The following THRAP3 variants were observed in gnomAD, a reference collection of about 807,000 sequenced individuals.
The protein encoded by THRAP3 is thyroid hormone receptor associated protein 3, also known as thyroid hormone receptor-associated protein 3.
In THRAP3, 16 loss-of-function variants were observed where a neutral mutation model predicts 101.0. The observed-to-expected ratio is 0.16, with a 90% confidence interval of 0.11 to 0.24. The LOEUF is 0.24. Among genes scored for constraint, THRAP3 ranks in the 10% least tolerant of loss-of-function variants. THRAP3 has a pLI of 1.00. For synonymous variants in THRAP3, 407 were observed against 422.6 expected (o/e 0.96, Z 0.45); for missense variants, 989 against 1,202.7 (o/e 0.82, Z 2.63).
intron 1 of THRAP3, among the ~76,000 whole-genome samples, chr1:36,236,715 A>T (rs1175185246): frequency 6.6e-6 from 1 of 152,156 alleles, no homozygotes; most frequent in East Asian, 1.9e-4. Context: ...TTTATGTATC[A>T]CCATTTTCAT....
At chr1:36,234,445 C>T (rs1346988067) in intron 1 of THRAP3, among the ~76,000 whole-genome samples, 1 of 152,058 alleles carries the variant, frequency 6.6e-6, no homozygotes, top group Non-Finnish European at 1.5e-5. Context: ...AAAAGTTTCT[C>T]ATAATGTCAT....
intron 1 of THRAP3, among the ~76,000 whole-genome samples, chr1:36,240,898 T>C (rs181769110): frequency 3.5e-4 from 54 of 152,238 alleles, no homozygotes; most frequent in African/African-American, 1.3e-3. Flanking sequence ...CATTTCTGTT[T>C]TTTCCTTCTT....
At chr1:36,209,529 G>C in the THRAP3 span, among the ~76,000 whole-genome samples, 3,869 of 152,206 alleles carry the variant, frequency 0.025, 67 homozygotes, top group Middle Eastern at 0.061. Flanking sequence ...TATCCTCTGG[G>C]GGATAGAATT....
chr1:36,289,371 A>G lies in THRAP3; in HGVS notation c.1352A>G (p.Lys451Arg). The G allele has an allele frequency of 6.2e-7, 1 of 1,614,166 alleles. No individual in the cohort carries two copies. Among genetic ancestry groups the G allele is most frequent in the South Asian group, 1.1e-5 (1 of 91,074 alleles). Residue 451 changes from lysine (K) to arginine (R), a missense_variant, in exon 5 of 12, where the codon AAA becomes AGA. Transcript: ENST00000354618. ...RKESEFDDEP[K>R]FMSKVIGANK... Reference sequence around the variant, plus strand: ...GAATCTGAGTTTGATGATGAACCCAAATTTATGTCTAAAGTCATAGGTGCA... The same window carrying G: ...GAATCTGAGTTTGATGATGAACCCAGATTTATGTCTAAAGTCATAGGTGCA...
chr1:36,296,273 CAGCCTTCTCAACTTCTAAACTAGCCAG>C (rs1378052004), intron 8 of THRAP3, among the ~76,000 whole-genome samples: 6 of 152,236 alleles, frequency 3.9e-5, no homozygotes, highest in African/African-American at 1.2e-4. Flanking sequence ...TGCACCTGGC[CAGCCTTCTCAACTTCTAAACTAGCCAG>C]AGTCATTACT....
At chr1:36,241,378 A>G (rs1488211777) in intron 1 of THRAP3, among the ~76,000 whole-genome samples, 1 of 125,710 alleles carries the variant, frequency 8.0e-6, no homozygotes, top group East Asian at 2.2e-4. Context: ...CTGAAATGAT[A>G]ATGGGTGTAT....
At position 36,292,808 on chromosome 1, in the gene THRAP3, C is replaced by G. The variant is rs1557454136; in HGVS notation, c.2030+99C>G. The stretch of plus-strand genomic sequence containing the variant: ...TTCTGCTGCTAATGCACCTTTAATA[C>G]AAAATTTACAGTAACATCCTTCAGA... On this transcript the variant is annotated intron_variant, in intron 7 of 11. Coordinates refer to ENST00000354618, the MANE Select transcript of THRAP3 (RefSeq NM_005119.4). The G allele has an allele frequency of 1.9e-5, 16 of 832,184 alleles. No homozygotes were observed. The South Asian group carries it at 2.6e-4, about 14-fold the overall frequency. The allele number at this position is 832,184 out of a possible 1,614,324, so 51.5% of individuals were successfully genotyped here.
chr1:36,303,632 G>A (rs1646057705), intron 11 of THRAP3, among the ~76,000 whole-genome samples, 164 bp from the exon 12 acceptor site: 1 of 152,086 alleles, frequency 6.6e-6, no homozygotes, highest in African/African-American at 2.4e-5. Context: ...CTGAACCACT[G>A]GCATTTTTGG....
intron 1 of THRAP3, among the ~76,000 whole-genome samples, chr1:36,255,927 C>T (rs188681752): frequency 2.0e-5 from 3 of 152,192 alleles, no homozygotes; most frequent in Admixed American, 6.6e-5. Flanking sequence ...ACTATATCGT[C>T]GTTTAAGGTC....
chr1:36,248,229 C>A (rs1645255083), intron 1 of THRAP3, among the ~76,000 whole-genome samples: 1 of 152,058 alleles, frequency 6.6e-6, no homozygotes, highest in East Asian at 1.9e-4. Flanking sequence ...TTCAGGCCTT[C>A]ATTTTTGTTC....
chr1:36,211,776 C>T, the THRAP3 span, among the ~76,000 whole-genome samples: 1 of 152,200 alleles, frequency 6.6e-6, no homozygotes, highest in African/African-American at 2.4e-5. Context: ...ATGGAGGTGA[C>T]GCCCCCTTGG....
intron 1 of THRAP3, among the ~76,000 whole-genome samples, chr1:36,233,868 T>G (rs768537745): frequency 9.9e-5 from 15 of 152,230 alleles, no homozygotes; most frequent in Non-Finnish European, 1.8e-4. Flanking sequence ...GTGATAATGA[T>G]AGTTTTCTGA....
chr1:36,287,528 G>A (rs1205282779), intron 4 of THRAP3: 8 of 985,264 alleles, frequency 8.1e-6, no homozygotes, highest in Non-Finnish European at 9.6e-6. Context: ...TTTAAAATTT[G>A]CCTTGGATTC....
chr1:36,219,120 A>G, the THRAP3 span, among the ~76,000 whole-genome samples: 1 of 152,048 alleles, frequency 6.6e-6, no homozygotes, highest in Admixed American at 6.6e-5. Flanking sequence ...TGATACAGAG[A>G]GAGTTTTAGT....
chr1:36,289,044 G>A lies in THRAP3; in HGVS notation c.1041-16G>A, dbSNP rs756556195. The A allele has an allele frequency of 1.3e-5, 20 of 1,550,546 alleles. No individual in the cohort carries two copies. Among genetic ancestry groups the A allele is most frequent in the East Asian group, 2.3e-5 (1 of 44,298 alleles). ...AAGAAGCCTCTTGTGTCTCTCTCTT[G>A]TGTTTTTATAAATAGGTATCTAGAA... On this transcript the variant is annotated splice_polypyrimidine_tract_variant and intron_variant, in intron 4 of 11. Transcript: ENST00000354618.
intron 8 of THRAP3, 66 bp downstream of exon 8, chr1:36,294,001 T>C: frequency 1.3e-6 from 2 of 1,579,576 alleles, no homozygotes; most frequent in South Asian, 2.3e-5. Context: ...TTGACAGAAA[T>C]GTGTTTGTTT....
At chr1:36,303,558 T>G (rs1646056647) in intron 11 of THRAP3, among the ~76,000 whole-genome samples, 1 of 152,184 alleles carries the variant, frequency 6.6e-6, no homozygotes, top group South Asian at 2.1e-4. Flanking sequence ...TTGTCAATCA[T>G]CGTTACAATG....
intron 1 of THRAP3, among the ~76,000 whole-genome samples, chr1:36,250,426 A>G (rs1434969755): frequency 6.6e-6 from 1 of 151,730 alleles, no homozygotes. Flanking sequence ...GTTGGCCGGG[A>G]TGGTCTGGAT....
the THRAP3 span, among the ~76,000 whole-genome samples, chr1:36,218,354 T>G: frequency 2.9e-5 from 4 of 139,100 alleles, no homozygotes; most frequent in East Asian, 2.2e-4. Context: ...ATTGCATCAC[T>G]CAGTGAGCAG....
Sources: allele counts gnomAD v4.1 joint callset (sites outside exome capture counted in the v4.1 genomes callset), GRCh38; gene constraint gnomAD v4.1.1; transcripts MANE v1.5; gene names NCBI Gene and HGNC (gene_info 2026-07-23, HGNC 2026-07-21).